Variants in ELAVL4 observed in about 807,000 individuals in gnomAD.
ELAVL4 encodes the protein ELAV like RNA binding protein 4, also known as ELAV-like protein 4.
A neutral mutation model predicts 35.6 loss-of-function variants in ELAVL4; 1 was observed. The observed-to-expected ratio is 0.03, with a 90% CI of 0.01 to 0.13. ELAVL4 has a LOEUF of 0.13. Among genes scored for constraint, ELAVL4 ranks in the 10% least tolerant of loss-of-function variants. The pLI, the probability that ELAVL4 is intolerant of heterozygous loss-of-function variation, is 1.00. For missense variants in ELAVL4, 267 were observed against 464.9 expected (o/e 0.57, Z 3.91); for synonymous variants, 156 against 171.0 (o/e 0.91, Z 0.69).
chr1:50,195,644 C>T lies in ELAVL4; in HGVS notation c.592C>T (p.Pro198Ser). The T allele has an allele frequency of 6.8e-6, 11 of 1,614,130 alleles. No homozygotes were observed. The highest frequency in any genetic ancestry group is 9.3e-6 in the Non-Finnish European group (11 of 1,180,010). Reference protein sequence around the residue: ...EAIKGLNGQKPSGATEPITVK... With the variant: ...EAIKGLNGQKSSGATEPITVK... Reference sequence around the variant, plus strand: ...CATCAAAGGGCTGAATGGCCAGAAGCCCAGCGGTGCTACGGAACCGATTAC... The same window carrying T: ...CATCAAAGGGCTGAATGGCCAGAAGTCCAGCGGTGCTACGGAACCGATTAC... The change falls in exon 5 of 7, where the codon CCC becomes TCC. Residue 198 changes from proline to serine, a missense_variant. By Grantham distance (74) the Pro-to-Ser change is moderately conservative (BLOSUM62 -1). Transcript: ENST00000371824.
intron 1 of ELAVL4, among the ~76,000 whole-genome samples, chr1:50,092,071 G>A (rs934803882): frequency 5.9e-5 from 9 of 152,156 alleles, no homozygotes; most frequent in African/African-American, 2.2e-4. Context: ...ACTGTACCAG[G>A]CATTGTGCTT....
chr1:50,159,713 AC>A (rs1557804595), intron 2 of ELAVL4, among the ~76,000 whole-genome samples: 1 of 152,072 alleles, frequency 6.6e-6, no homozygotes, highest in African/African-American at 2.4e-5. Flanking sequence ...TACCCAAGGA[AC>A]CCTTTTCCCT....
chr1:50,175,366 T>TC (rs1221618284), intron 2 of ELAVL4: 2 of 140,044 alleles, frequency 1.4e-5, no homozygotes, highest in Admixed American at 1.5e-4. Flanking sequence ...GTAATTCACC[T>TC]CCCCCTGCCC....
intron 1 of ELAVL4, among the ~76,000 whole-genome samples, chr1:50,136,762 C>T (rs146530443): frequency 5.9e-5 from 9 of 152,200 alleles, no homozygotes; most frequent in Non-Finnish European, 1.2e-4. Flanking sequence ...TGTTCTGTGA[C>T]CTTCTTTGGT....
intron 1 of ELAVL4, among the ~76,000 whole-genome samples, chr1:50,134,406 T>C (rs1381354659): frequency 1.3e-5 from 2 of 152,164 alleles, no homozygotes; most frequent in Non-Finnish European, 2.9e-5. Flanking sequence ...ATGAAGATAA[T>C]GTATTTCCCA....
At chr1:50,195,486 G>A in intron 4 of ELAVL4, 75 bp from the exon 5 acceptor site, 1 of 1,527,610 alleles carries the variant, frequency 6.5e-7, no homozygotes, top group Non-Finnish European at 9.0e-7. Flanking sequence ...AATATCCACA[G>A]GACCCATCTC....
At chr1:50,145,500 A>T (rs887252604) in intron 2 of ELAVL4, among the ~76,000 whole-genome samples, 2 of 152,138 alleles carry the variant, frequency 1.3e-5, no homozygotes, top group Non-Finnish European at 2.9e-5. Context: ...CCAGTCCCAC[A>T]ACTCTGCCCT....
Position 50,164,023 on chromosome 1 carries a change from T to G in ELAVL4, c.251-13066T>G, listed in dbSNP as rs12068097. The stretch of plus-strand genomic sequence containing the variant: ...AGCTACTTCTCCCTCTGGGCCGTAA[T>G]GGGCCTTAATTTCCCCTTTAGTAAA... On this transcript the variant is annotated intron_variant, in intron 2 of 6. Coordinates refer to ENST00000371824, the MANE Select transcript of ELAVL4 (RefSeq NM_001144774.3). Among the ~76,000 whole-genome samples the G allele has an allele frequency of 2.0e-3, 312 of 152,314 alleles. 4 individuals carry two copies. Among genetic ancestry groups the G allele is most frequent in the African/African-American group, 7.1e-3 (296 of 41,562 alleles).
At chr1:50,140,550 C>T in intron 1 of ELAVL4, among the ~76,000 whole-genome samples, 1 of 152,116 alleles carries the variant, frequency 6.6e-6, no homozygotes, top group East Asian at 1.9e-4. Context: ...TTAAAATCCT[C>T]TTGTTTCATT....
At chr1:50,081,288 TA>T (rs1664994130) in intron 1 of ELAVL4, among the ~76,000 whole-genome samples, 1 of 152,212 alleles carries the variant, frequency 6.6e-6, no homozygotes, top group Admixed American at 6.5e-5. Context: ...TTGTCTCTGG[TA>T]AATCAGATGG....
At position 50,200,968 on chromosome 1, in the gene ELAVL4, T is replaced by C. The variant is rs1438147297; in HGVS notation, c.891T>C (p.Ser297=). The C allele has an allele frequency of 3.7e-6, 6 of 1,613,850 alleles. No individual in the cohort carries two copies. The highest frequency in any genetic ancestry group is 4.5e-5 in the East Asian group (2 of 44,876). The change falls in exon 7 of 7, where the codon AGT becomes AGC. Residue 297 remains serine, a synonymous_variant. Coordinates refer to ENST00000371824, the MANE Select transcript of ELAVL4 (RefSeq NM_001144774.3). The stretch of plus-strand genomic sequence containing the variant: ...ACCTGTCCCCCGATTCCGATGAGAG[T>C]GTCCTCTGGCAGCTCTTTGGCCCCT... ...VYNLSPDSDE[S]VLWQLFGPFG...
At chr1:50,168,547 C>T (rs1678378006) in intron 2 of ELAVL4, among the ~76,000 whole-genome samples, 1 of 152,128 alleles carries the variant, frequency 6.6e-6, no homozygotes, top group African/African-American at 2.4e-5. Flanking sequence ...AGACAGAATC[C>T]CTGAGTTCAT....
chr1:50,166,552 C>T (rs1208830906), intron 2 of ELAVL4, among the ~76,000 whole-genome samples: 4 of 152,158 alleles, frequency 2.6e-5, no homozygotes, highest in Non-Finnish European at 4.4e-5. Flanking sequence ...ATTTGTATTC[C>T]CTTTGCCTTC....
intron 1 of ELAVL4, among the ~76,000 whole-genome samples, chr1:50,077,359 T>G (rs1664809976): frequency 6.6e-6 from 1 of 152,188 alleles, no homozygotes; most frequent in Non-Finnish European, 1.5e-5. Context: ...CAGTCTGTGT[T>G]CAATAGCAGG....
At chr1:50,188,438 G>A (rs2148865208) in intron 3 of ELAVL4, among the ~76,000 whole-genome samples, 1 of 152,226 alleles carries the variant, frequency 6.6e-6, no homozygotes. Flanking sequence ...TAATCCACAG[G>A]GGCCCAACAA....
chr1:50,056,182 C>A (rs1387983623), intron 1 of ELAVL4, among the ~76,000 whole-genome samples: 1 of 152,154 alleles, frequency 6.6e-6, no homozygotes, highest in Non-Finnish European at 1.5e-5. Flanking sequence ...GGATCTTACT[C>A]AGGTCACTGG....
At chr1:50,119,785 C>T (rs1189924042) in intron 1 of ELAVL4, among the ~76,000 whole-genome samples, 1 of 151,836 alleles carries the variant, frequency 6.6e-6, no homozygotes, top group African/African-American at 2.4e-5. Flanking sequence ...GATCTGTGAC[C>T]ATAGAGATCA....
intron 1 of ELAVL4, among the ~76,000 whole-genome samples, chr1:50,133,602 A>G (rs200932283): frequency 1.1e-4 from 11 of 95,842 alleles, no homozygotes; most frequent in African/African-American, 3.3e-4. Flanking sequence ...AAGAAAGAAA[A>G]GAAAGAAAGA....
chr1:50,193,961 C>G (rs1217106281), intron 4 of ELAVL4, 43 bp downstream of exon 4: 6 of 1,604,796 alleles, frequency 3.7e-6, no homozygotes, highest in Non-Finnish European at 5.1e-6. Context: ...ATATCAATGT[C>G]ATCAGCCCTG....
Sources: gnomAD v4.1 joint callset for allele counts (sites outside exome capture counted in the v4.1 genomes callset) on GRCh38, gnomAD v4.1.1 for gene constraint, MANE v1.5 for transcripts, NCBI Gene and HGNC (gene_info 2026-07-23, HGNC 2026-07-21) for gene names.